Variants in DOC2A observed in about 807,000 individuals in gnomAD.
The protein encoded by DOC2A is double C2-like domain-containing protein alpha.
A neutral mutation model predicts 40.6 loss-of-function variants in DOC2A; 28 were observed. That is an observed-to-expected ratio of 0.69 (90% CI 0.51 to 0.95). The LOEUF is 0.95. Ranked by LOEUF, DOC2A falls within the 40% of genes least tolerant of loss-of-function variation. The pLI, the probability that DOC2A is intolerant of heterozygous loss-of-function variation, is 0.00. For synonymous variants in DOC2A, 241 were observed against 236.9 expected (o/e 1.02, Z -0.16); for missense variants, 474 against 552.5 (o/e 0.86, Z 1.42).
upstream of DOC2A, chr16:30,011,462 G>A: frequency 1.0e-6 from 1 of 969,148 alleles, no homozygotes; most frequent in Non-Finnish European, 1.2e-6. Flanking sequence ...GCCCGCGCGC[G>A]CGGCCACGGC....
At chr16:30,016,039 ATATATATATATATATATTTTT>A (rs1411753454), upstream of DOC2A, among the ~76,000 whole-genome samples, 154 of 55,412 alleles carry the variant, frequency 2.8e-3, no homozygotes, top group African/African-American at 5.6e-3. Flanking sequence ...ATATATATAT[ATATATATATATATATATTTTT>A]TTTTTTTTTT....
chr16:30,014,898 C>T (rs1262367167), upstream of DOC2A: 1 of 151,968 alleles, frequency 6.6e-6, no homozygotes, highest in African/African-American at 2.4e-5. Flanking sequence ...CCACTGCACT[C>T]CAGCCTGGGC....
At chr16:30,023,114 T>C (rs2070938205), upstream of DOC2A, 3 of 458,824 alleles carry the variant, frequency 6.5e-6, no homozygotes, top group Admixed American at 3.3e-5. Flanking sequence ...CCGTGCCGCA[T>C]CCCTCCTCTT....
rs914969479 is a variant in DOC2A at position 30,010,761 on chromosome 16, C to A, written c.-14+142G>T. The A allele has an allele frequency of 1.8e-5, 10 of 553,336 alleles. No homozygotes were observed. Among genetic ancestry groups the A allele is most frequent in the Non-Finnish European group, 2.4e-5 (10 of 424,650 alleles). The allele number at this position is 553,336 out of a possible 1,614,324, so 34.3% of individuals were successfully genotyped here. On this transcript the variant is annotated intron_variant, in intron 1 of 10. Coordinates refer to ENST00000350119, the MANE Select transcript of DOC2A (RefSeq NM_003586.3). The surrounding 1 kb of genome is among the most constrained non-coding windows in gnomAD (Gnocchi z 4.2). ...CTCACCACAGCCCACGGTGGAGACC[C>A]CAGCCTCAGATGCCACCTCTGGCTC...
At chr16:30,008,923 G>T in intron 5 of DOC2A, 73 bp downstream of exon 5, 1 of 1,061,082 alleles carries the variant, frequency 9.4e-7, no homozygotes, top group Non-Finnish European at 1.5e-6. Flanking sequence ...ATGGGACATA[G>T]ATCAACCAAC....
At chr16:30,007,478 C>G (rs1180881149) in intron 5 of DOC2A, 179 bp from the exon 6 acceptor site, 1 of 775,924 alleles carries the variant, frequency 1.3e-6, no homozygotes, top group African/African-American at 1.7e-5. Context: ...TCTGCAGCCA[C>G]CCGGCTGTCC....
Position 30,006,387 on chromosome 16 carries a change from A to G in DOC2A, c.1057+26T>C, listed in dbSNP as rs896078007. On this transcript the variant is annotated intron_variant, in intron 10 of 10. Coordinates refer to ENST00000350119, the MANE Select transcript of DOC2A (RefSeq NM_003586.3). The surrounding 1 kb of genome is among the most constrained non-coding windows in gnomAD (Gnocchi z 6.2). ...CCTCCCTGCCACTTGCCCGCCCTCA[A>G]CACCCGCAGCCAGCTCCTCCCTCAC... 1 of 1,613,344 alleles carries G rather than the reference A, an allele frequency of 6.2e-7. No homozygotes were observed. Among genetic ancestry groups the G allele is most frequent in the Non-Finnish European group, 8.5e-7 (1 of 1,179,862 alleles).
rs1043126001 is a variant in DOC2A, at chr16:30,009,826, C to A, written c.262+135G>T. 1 of 1,070,812 alleles carries A rather than the reference C, an allele frequency of 9.3e-7. No individual in the cohort carries two copies. Among genetic ancestry groups the A allele is most frequent in the Non-Finnish European group, 1.4e-6 (1 of 712,308 alleles). 66.3% of individuals were successfully genotyped at this position (1,070,812 alleles called of 1,614,324 possible). A position where few individuals can be genotyped will look rare whatever the true frequency, so the allele number is the denominator to read the frequency against. ...CCACGCTGACTGCAGCTGTGGTGGC[C>A]GTCCCTGCCACCCCCCCACTGCCCT... On this transcript the variant is annotated intron_variant, in intron 2 of 10. Transcript: ENST00000350119. This position sits in a 1 kb window ranked among gnomAD's most constrained non-coding sequence, Gnocchi z 4.1.
chr16:30,013,962 G>C (rs2070827617), upstream of DOC2A, among the ~76,000 whole-genome samples: 1 of 152,044 alleles, frequency 6.6e-6, no homozygotes, highest in African/African-American at 2.4e-5. Flanking sequence ...TGATCCGCCT[G>C]CTTCGGTCTC....
rs1001604345 is a variant in DOC2A at position 30,006,051 on chromosome 16, C to T, written c.*135G>A. 1.8e-5 allele frequency: 18 copies of T among 1,022,782 alleles called. No homozygotes were observed. In the East Asian group the frequency reaches 2.4e-4, roughly 13 times the overall value. The allele number at this position is 1,022,782 out of a possible 1,614,324, so 63.4% of individuals were successfully genotyped here. A position where few individuals can be genotyped will look rare whatever the true frequency, so the allele number is the denominator to read the frequency against. On this transcript the variant is annotated 3_prime_UTR_variant, in exon 11 of 11. Transcript: ENST00000350119. This position sits in a 1 kb window ranked among gnomAD's most constrained non-coding sequence, Gnocchi z 6.2. The stretch of plus-strand genomic sequence containing the variant: ...GCAGCCCCTCATGAGCAGACAGACC[C>T]GGGTCACGGAGACTCACAAAAATAG...
chr16:30,019,997 C>T (rs1158684623), intron 1 of DOC2A, among the ~76,000 whole-genome samples: 1 of 152,158 alleles, frequency 6.6e-6, no homozygotes, highest in Non-Finnish European at 1.5e-5. Flanking sequence ...CAACCTCTGC[C>T]TCTTGTGTTC....
rs532516778 is a variant in DOC2A at position 30,005,705 on chromosome 16, C to T, written c.*481G>A. On this transcript the variant is annotated 3_prime_UTR_variant, in exon 11 of 11. Transcript: ENST00000350119. ...CTGCCACCTGCTGGGGAGGCAGAGA[C>T]CCTGCAATGGCCACCTCTTTAAAAG... The T allele has an allele frequency of 4.8e-5, 26 of 540,618 alleles. No homozygotes were observed. In the East Asian group the frequency reaches 8.0e-4, roughly 17 times the overall value. The allele number at this position is 540,618 out of a possible 1,614,324, so 33.5% of individuals were successfully genotyped here.
upstream of DOC2A, among the ~76,000 whole-genome samples, chr16:30,016,055 A>ATCTTT (rs1163519904): frequency 5.9e-5 from 1 of 16,902 alleles, no homozygotes; most frequent in Non-Finnish European, 9.5e-5. Flanking sequence ...ATATATATAT[A>ATCTTT]TTTTTTTTTT....
chr16:30,009,327 A>G lies in DOC2A; in HGVS notation c.343-51T>C, dbSNP rs2070709910. On this transcript the variant is annotated intron_variant, in intron 3 of 10. Coordinates refer to ENST00000350119, the MANE Select transcript of DOC2A (RefSeq NM_003586.3). The surrounding 1 kb of genome is among the most constrained non-coding windows in gnomAD (Gnocchi z 4.1). ...CTAGAGGCTCCCGGCACCTCTCTCC[A>G]TCCCTCTTGTAGAGCTGGACCCTGG... 1.3e-6 allele frequency: 2 copies of G among 1,526,264 alleles called. No individual in the cohort carries two copies. Among genetic ancestry groups the G allele is most frequent in the Non-Finnish European group, 1.8e-6 (2 of 1,125,052 alleles). 94.5% of individuals were successfully genotyped at this position (1,526,264 alleles called of 1,614,324 possible).
At position 30,007,110 on chromosome 16, in the gene DOC2A, G is replaced by C. The variant is rs754675552; in HGVS notation, c.655-20C>G. 1 of 1,613,746 alleles carries C rather than the reference G, an allele frequency of 6.2e-7. No individual in the cohort carries two copies. The highest frequency in any genetic ancestry group is 8.5e-7 in the Non-Finnish European group (1 of 1,179,904). On this transcript the variant is annotated intron_variant, in intron 6 of 10. Transcript: ENST00000350119. Reference sequence around the variant, plus strand: ...CGCCAGCTGAGGGGGCAAAGAGAAGGTTCTGGAAGCCTGGCCTCCCCAGGG... The same window carrying C: ...CGCCAGCTGAGGGGGCAAAGAGAAGCTTCTGGAAGCCTGGCCTCCCCAGGG...
At chr16:30,008,956 C>T (rs562821261) in intron 5 of DOC2A, 40 bp downstream of exon 5, 1 of 1,359,898 alleles carries the variant, frequency 7.4e-7, no homozygotes, top group African/African-American at 1.4e-5. Flanking sequence ...TGTCAGCTGT[C>T]CCCGAGCTGC....
chr16:30,017,589 G>A (rs189201844), intron 1 of DOC2A, among the ~76,000 whole-genome samples: 1 of 152,072 alleles, frequency 6.6e-6, no homozygotes, highest in South Asian at 2.1e-4. Context: ...CTAAACATTG[G>A]GTACCTATGG....
intron 5 of DOC2A, chr16:30,007,618 G>T: frequency 2.3e-6 from 1 of 425,758 alleles, no homozygotes; most frequent in South Asian, 2.1e-5. Context: ...ATAGACACAG[G>T]CCGTGAGAGC....
chr16:30,009,640 GTCTCTC>G lies in DOC2A; in HGVS notation c.263-89_263-84del. On this transcript the variant is annotated intron_variant, in intron 2 of 10. Transcript: ENST00000350119. This position sits in a 1 kb window ranked among gnomAD's most constrained non-coding sequence, Gnocchi z 4.1. ...CAGCAGGTGGGCACTGGCTCTGTGTGTCTCTCTCTCTTGCCAGCCCGCGAGTGTGAG... is the reference window on the plus strand; with the variant it reads ...CAGCAGGTGGGCACTGGCTCTGTGTGTCTCTTGCCAGCCCGCGAGTGTGAG... The G allele has an allele frequency of 7.9e-7, 1 of 1,261,096 alleles. No individual in the cohort carries two copies. Among genetic ancestry groups the G allele is most frequent in the South Asian group, 1.3e-5 (1 of 78,274 alleles). The allele number at this position is 1,261,096 out of a possible 1,614,324, so 78.1% of individuals were successfully genotyped here.
Sources: gnomAD v4.1 joint callset for allele counts (sites outside exome capture counted in the v4.1 genomes callset) on GRCh38, gnomAD v4.1.1 for gene constraint, Gnocchi (gnomAD v3.1) non-coding constraint, MANE v1.5 for transcripts, NCBI Gene and HGNC (gene_info 2026-07-23, HGNC 2026-07-21) for gene names.